Variants in GABRB3 observed in about 807,000 individuals in gnomAD.
GABRB3 encodes the protein gamma-aminobutyric acid type A receptor subunit beta3.
In GABRB3, 14 loss-of-function variants were observed where a neutral mutation model predicts 52.1. That is an observed-to-expected ratio of 0.27 (90% CI 0.18 to 0.42). The LOEUF is 0.42. Ranked by LOEUF, GABRB3 falls within the 10% of genes least tolerant of loss-of-function variation. The pLI is 1.00. For synonymous variants in GABRB3, 260 were observed against 232.3 expected (o/e 1.12, Z -1.08); for missense variants, 307 against 609.1 (o/e 0.50, Z 5.22).
rs148895158 is a variant in GABRB3 at position 26,549,038 on chromosome 15, C to A, written c.1081-904G>T. ...GCCCCACACTTCCCTATCTCTCTTCCCTTTCTTTGCCTGGAGGGCCATTTT... is the reference window on the plus strand; with the variant it reads ...GCCCCACACTTCCCTATCTCTCTTCACTTTCTTTGCCTGGAGGGCCATTTT... On this transcript the variant is annotated intron_variant, in intron 8 of 8. Transcript: ENST00000311550. Among the ~76,000 whole-genome samples, 547 of 152,302 alleles carry A rather than the reference C, an allele frequency of 3.6e-3. 3 individuals are homozygous for A. The highest frequency in any genetic ancestry group is 0.013 in the African/African-American group (521 of 41,554).
chr15:26,716,159 T>A (rs1280202759), intron 3 of GABRB3, among the ~76,000 whole-genome samples: 1 of 152,142 alleles, frequency 6.6e-6, no homozygotes, highest in Non-Finnish European at 1.5e-5. Context: ...TTGTATTGAT[T>A]TTTTTCTCCT....
At chr15:26,735,163 G>A (rs953481147) in intron 3 of GABRB3, among the ~76,000 whole-genome samples, 2 of 151,980 alleles carry the variant, frequency 1.3e-5, no homozygotes, top group African/African-American at 4.8e-5. Flanking sequence ...CATCATTAGG[G>A]GACTACAAAT....
At position 26,649,070 on chromosome 15, in the gene GABRB3, G is replaced by A. The variant is rs527344325; in HGVS notation, c.241-27536C>T. Among the ~76,000 whole-genome samples, 134 of 152,228 alleles carry A rather than the reference G, an allele frequency of 8.8e-4. No individual in the cohort carries two copies. In the Middle Eastern group the frequency reaches 0.01, roughly 12 times the overall value. ...CAGCAGAACCATCTACTTCTCTCGC[G>A]CTGTTTTCTTGGTGGATCCAGAAGC... On this transcript the variant is annotated intron_variant, in intron 3 of 8. Transcript: ENST00000311550.
intron 4 of GABRB3, chr15:26,611,716 G>C (rs551387039): frequency 6.6e-6 from 1 of 152,292 alleles, no homozygotes; most frequent in South Asian, 2.1e-4. Context: ...ACATGCAGAG[G>C]AACTAGAAAG....
Position 26,570,270 on chromosome 15 carries a change from G to A in GABRB3, c.683-2537C>T, listed in dbSNP as rs147013091. 7.6e-3 allele frequency among the ~76,000 whole-genome samples: 1,163 copies of A among 152,266 alleles called. 10 individuals carry two copies. The highest frequency in any genetic ancestry group is 0.012 in the Non-Finnish European group (845 of 67,990). On this transcript the variant is annotated intron_variant, in intron 6 of 8. Transcript: ENST00000311550. Reference sequence around the variant, plus strand: ...ATTTTGGTTCCACAAACAGCAAACCGGTTTCTCCAACACCATCAGTAGAAT... The same window carrying A: ...ATTTTGGTTCCACAAACAGCAAACCAGTTTCTCCAACACCATCAGTAGAAT...
At chr15:26,722,008 A>C (rs1284036557) in intron 3 of GABRB3, among the ~76,000 whole-genome samples, 1 of 152,178 alleles carries the variant, frequency 6.6e-6, no homozygotes, top group Non-Finnish European at 1.5e-5. Context: ...AATATTGCTA[A>C]GAAAAAAGTT....
intron 4 of GABRB3, among the ~76,000 whole-genome samples, chr15:26,605,298 C>T (rs1259496666): frequency 6.6e-6 from 1 of 152,204 alleles, no homozygotes; most frequent in South Asian, 2.1e-4. Flanking sequence ...AAGGGAACCT[C>T]GAATACTATT....
At chr15:26,715,328 G>A (rs916940538) in intron 3 of GABRB3, among the ~76,000 whole-genome samples, 9 of 152,170 alleles carry the variant, frequency 5.9e-5, no homozygotes, top group Admixed American at 2.0e-4. Flanking sequence ...AGTTAACTTT[G>A]GGTTTTGAGG....
rs183470151 is a variant in GABRB3 at position 26,655,247 on chromosome 15, T to G, written c.241-33713A>C. On this transcript the variant is annotated intron_variant, in intron 3 of 8. Coordinates refer to ENST00000311550, the MANE Select transcript of GABRB3 (RefSeq NM_000814.6). ...TTTCATGCTGAACATCTTTCCACAT[T>G]CAAAATCCTTTAATAATCACTTTAT... Among the ~76,000 whole-genome samples the G allele has an allele frequency of 1.5e-3, 231 of 152,300 alleles. 2 individuals are homozygous for G. Among genetic ancestry groups the G allele is most frequent in the Admixed American group, 4.4e-3 (68 of 15,298 alleles).
intron 3 of GABRB3, among the ~76,000 whole-genome samples, chr15:26,669,963 G>C (rs1419864061): frequency 1.3e-5 from 2 of 152,204 alleles, no homozygotes; most frequent in South Asian, 2.1e-4. Context: ...CAGTATGTGT[G>C]TCTGAATCCA....
chr15:26,750,699 T>C (rs778363349), intron 3 of GABRB3, among the ~76,000 whole-genome samples: 4 of 152,166 alleles, frequency 2.6e-5, no homozygotes, highest in Non-Finnish European at 5.9e-5. Context: ...ATTATTAAAT[T>C]GAAACAAATA....
At chr15:26,572,998 A>C (rs1289212525) in intron 6 of GABRB3, among the ~76,000 whole-genome samples, 2 of 152,232 alleles carry the variant, frequency 1.3e-5, no homozygotes, top group African/African-American at 4.8e-5. Flanking sequence ...TCTAGGCATT[A>C]ATATTTTTGA....
rs537936033 is a variant in GABRB3 at position 26,554,258 on chromosome 15, G to A, written c.1081-6124C>T. ...TGCCTAGGCTGATCTGGAATTCCCAGGCTCAAGTGATCCTCCCGCCTCCAA... is the reference window on the plus strand; with the variant it reads ...TGCCTAGGCTGATCTGGAATTCCCAAGCTCAAGTGATCCTCCCGCCTCCAA... On this transcript the variant is annotated intron_variant, in intron 8 of 8. Coordinates refer to ENST00000311550, the MANE Select transcript of GABRB3 (RefSeq NM_000814.6). 3.0e-5 allele frequency among the ~76,000 whole-genome samples: 4 copies of A among 134,670 alleles called. No individual in the cohort carries two copies. The South Asian group carries it at 9.8e-4, about 33-fold the overall frequency. The allele number at this position is 134,670 out of a possible 152,430, so 88.3% of individuals were successfully genotyped here. A position where few individuals can be genotyped will look rare whatever the true frequency, so the allele number is the denominator to read the frequency against.
chr15:26,574,439 A>G (rs1387274084), intron 6 of GABRB3, among the ~76,000 whole-genome samples: 1 of 152,224 alleles, frequency 6.6e-6, no homozygotes, highest in Non-Finnish European at 1.5e-5. Context: ...ATTAAAACAT[A>G]TATCTACACT....
chr15:26,655,000 T>C (rs2140597507), intron 3 of GABRB3, among the ~76,000 whole-genome samples: 1 of 152,192 alleles, frequency 6.6e-6, no homozygotes, highest in Non-Finnish European at 1.5e-5. Flanking sequence ...GCAATTATTT[T>C]TAAATAAGTA....
At chr15:26,738,445 C>T (rs1255164494) in intron 3 of GABRB3, among the ~76,000 whole-genome samples, 1 of 152,306 alleles carries the variant, frequency 6.6e-6, no homozygotes, top group East Asian at 1.9e-4. Context: ...CTGAGAGAAC[C>T]TTTGTCCCTG....
chr15:26,551,825 G>GCT (rs1889476630), intron 8 of GABRB3, among the ~76,000 whole-genome samples: 1 of 150,108 alleles, frequency 6.7e-6, no homozygotes, highest in African/African-American at 2.5e-5. Flanking sequence ...CAGGCTGAGT[G>GCT]CTTGGAGATG....
At chr15:26,683,403 G>A (rs945367895) in intron 3 of GABRB3, among the ~76,000 whole-genome samples, 1 of 151,128 alleles carries the variant, frequency 6.6e-6, no homozygotes, top group Non-Finnish European at 1.5e-5. Flanking sequence ...CTCATTGCTG[G>A]GTGGGGTGGG....
intron 3 of GABRB3, among the ~76,000 whole-genome samples, chr15:26,649,599 C>G (rs1453369442): frequency 6.7e-6 from 1 of 149,548 alleles, no homozygotes; most frequent in East Asian, 1.9e-4. Context: ...GGAAAGTGAG[C>G]TGATGAGGAG....
Sources: allele counts gnomAD v4.1 joint callset (sites outside exome capture counted in the v4.1 genomes callset), GRCh38; gene constraint gnomAD v4.1.1; transcripts MANE v1.5; gene names NCBI Gene and HGNC (gene_info 2026-07-23, HGNC 2026-07-21).